Variants in SPOCK1 observed in about 807,000 individuals in gnomAD.
SPOCK1 encodes the protein SPARC (osteonectin), cwcv and kazal like domains proteoglycan 1, also known as testican-1.
A neutral mutation model predicts 55.3 loss-of-function variants in SPOCK1; 23 were observed. The ratio of observed to expected loss-of-function variants is 0.42; its 90% confidence interval spans 0.30 to 0.59. SPOCK1 has a LOEUF of 0.59. Ranked by LOEUF, SPOCK1 falls within the 20% of genes least tolerant of loss-of-function variation. The probability of loss-of-function intolerance (pLI) is 0.22; values close to 1 mark genes in which losing one functional copy is unlikely to be tolerated. For missense variants in SPOCK1, 499 were observed against 552.5 expected (o/e 0.90, Z 0.97); for synonymous variants, 226 against 221.0 (o/e 1.02, Z -0.20).
intron 2 of SPOCK1, among the ~76,000 whole-genome samples, chr5:137,403,964 G>A (rs559954448): frequency 1.8e-4 from 27 of 152,256 alleles, no homozygotes; most frequent in African/African-American, 6.3e-4. Context: ...GCTGAGCATT[G>A]ACTCAGGCTG....
intron 3 of SPOCK1, among the ~76,000 whole-genome samples, chr5:137,225,273 A>T (rs1335640130): frequency 1.3e-5 from 2 of 152,032 alleles, no homozygotes; most frequent in Non-Finnish European, 2.9e-5. Flanking sequence ...GAGTTAGTTA[A>T]CTGCTCTGAG....
intron 9 of SPOCK1, among the ~76,000 whole-genome samples, chr5:136,984,305 C>T: frequency 6.8e-6 from 1 of 146,164 alleles, no homozygotes; most frequent in East Asian, 1.9e-4. Context: ...CTTCTCTATT[C>T]ATTTCCTTCA....
At chr5:137,298,098 C>G (rs948409330) in intron 2 of SPOCK1, among the ~76,000 whole-genome samples, 1 of 152,076 alleles carries the variant, frequency 6.6e-6, no homozygotes, top group Non-Finnish European at 1.5e-5. Context: ...ATTCTTCTCA[C>G]CTCTAAAACA....
Position 137,199,925 on chromosome 5 carries a change from C to A in SPOCK1, c.233-59231G>T, listed in dbSNP as rs568381669. On this transcript the variant is annotated intron_variant, in intron 3 of 10. Coordinates refer to ENST00000394945, the MANE Select transcript of SPOCK1 (RefSeq NM_004598.4). ...AAATCAGCACTTCCTGCTGCCAGCC[C>A]CCTCTAGACTCCAGCAGCAAACTCA... Among the ~76,000 whole-genome samples the A allele has an allele frequency of 6.6e-5, 10 of 152,252 alleles. 1 individual carries two copies. In the South Asian group the frequency reaches 2.1e-3, roughly 32 times the overall value.
chr5:137,091,581 C>T (rs1219196962), intron 5 of SPOCK1, among the ~76,000 whole-genome samples: 2 of 152,184 alleles, frequency 1.3e-5, no homozygotes, highest in Admixed American at 1.3e-4. Flanking sequence ...AATTTAATTG[C>T]CACTCCCCTT....
At chr5:137,391,888 T>C (rs904299847) in intron 2 of SPOCK1, among the ~76,000 whole-genome samples, 1 of 152,150 alleles carries the variant, frequency 6.6e-6, no homozygotes, top group East Asian at 1.9e-4. Flanking sequence ...TCTCCCTGAG[T>C]GCAGGCTCTA....
chr5:137,198,703 G>C (rs1225207042), intron 3 of SPOCK1, among the ~76,000 whole-genome samples: 2 of 151,920 alleles, frequency 1.3e-5, no homozygotes, highest in Non-Finnish European at 2.9e-5. Flanking sequence ...CTTATTTGTG[G>C]CAACGTTTTT....
At chr5:137,042,670 G>T (rs1466489015) in intron 6 of SPOCK1, among the ~76,000 whole-genome samples, 1 of 152,110 alleles carries the variant, frequency 6.6e-6, no homozygotes, top group Non-Finnish European at 1.5e-5. Flanking sequence ...TGGGATTAAA[G>T]AATTAAGTAA....
chr5:137,273,386 T>C, intron 2 of SPOCK1: 1 of 984,874 alleles, frequency 1.0e-6, no homozygotes, highest in South Asian at 4.7e-5. Flanking sequence ...CTCAACTTCC[T>C]GAGTACGAAA....
At chr5:137,467,246 G>T (rs1753639410) in intron 2 of SPOCK1, among the ~76,000 whole-genome samples, 1 of 152,178 alleles carries the variant, frequency 6.6e-6, no homozygotes, top group South Asian at 2.1e-4. Flanking sequence ...TATTCTACTG[G>T]CTAGAGATGA....
At chr5:137,210,662 G>A (rs958722170) in intron 3 of SPOCK1, among the ~76,000 whole-genome samples, 1 of 152,174 alleles carries the variant, frequency 6.6e-6, no homozygotes, top group Non-Finnish European at 1.5e-5. Context: ...TCATCATTGT[G>A]AGTCCCAGAG....
intron 2 of SPOCK1, among the ~76,000 whole-genome samples, chr5:137,302,275 A>G (rs768973265): frequency 9.9e-5 from 15 of 152,186 alleles, no homozygotes; most frequent in Non-Finnish European, 1.9e-4. Context: ...AAGCTCCTTT[A>G]AATCAGTTTA....
chr5:137,344,052 A>C (rs1187803260), intron 2 of SPOCK1, among the ~76,000 whole-genome samples: 1 of 152,246 alleles, frequency 6.6e-6, no homozygotes, highest in Non-Finnish European at 1.5e-5. Flanking sequence ...TCTGTACAAA[A>C]ATATAATTGA....
At chr5:137,314,240 C>T (rs186887162) in intron 2 of SPOCK1, among the ~76,000 whole-genome samples, 1 of 152,226 alleles carries the variant, frequency 6.6e-6, no homozygotes, top group Admixed American at 6.5e-5. Flanking sequence ...CATCACTGCT[C>T]ATCAGTGAAT....
At chr5:136,998,507 G>A (rs376031583) in intron 6 of SPOCK1, among the ~76,000 whole-genome samples, 4 of 152,220 alleles carry the variant, frequency 2.6e-5, no homozygotes, top group East Asian at 1.9e-4. Flanking sequence ...CCATCCCCAC[G>A]TGCAGGACTT....
intron 2 of SPOCK1, among the ~76,000 whole-genome samples, chr5:137,308,851 T>C (rs956350742): frequency 3.3e-5 from 5 of 152,116 alleles, no homozygotes; most frequent in African/African-American, 1.2e-4. Context: ...TACTGATGTA[T>C]AAAGATGACT....
chr5:137,354,665 C>T (rs1386047362), intron 2 of SPOCK1, among the ~76,000 whole-genome samples: 1 of 152,134 alleles, frequency 6.6e-6, no homozygotes, highest in East Asian at 1.9e-4. Flanking sequence ...AGCAAGGGCC[C>T]GGCCATCAAC....
At chr5:137,194,555 G>C (rs6860189) in intron 3 of SPOCK1, among the ~76,000 whole-genome samples, 119,528 of 151,992 alleles carry the variant, frequency 0.79, 47,526 homozygotes, top group Non-Finnish European at 0.85. Context: ...CCTGTGCCAC[G>C]CTATGCTGGG....
intron 6 of SPOCK1, among the ~76,000 whole-genome samples, chr5:137,027,435 A>G (rs1319999525): frequency 6.6e-6 from 1 of 152,246 alleles, no homozygotes; most frequent in Admixed American, 6.5e-5. Flanking sequence ...GTCCCAGAGC[A>G]GTGCTATCCA....
Sources: gnomAD v4.1 joint callset for allele counts (sites outside exome capture counted in the v4.1 genomes callset) on GRCh38, gnomAD v4.1.1 for gene constraint, MANE v1.5 for transcripts, NCBI Gene and HGNC (gene_info 2026-07-23, HGNC 2026-07-21) for gene names.